Variants in MED13 observed in about 807,000 individuals in gnomAD.
MED13 encodes the protein mediator complex subunit 13.
MED13 carries 23 observed loss-of-function variants against 225.2 expected under a neutral mutation model. The observed-to-expected ratio is 0.10, with a 90% CI of 0.07 to 0.14. The LOEUF is 0.14. MED13 is among the 10% of genes least tolerant of loss of function. The pLI, the probability that MED13 is intolerant of heterozygous loss-of-function variation, is 1.00. For missense variants in MED13, 2,197 were observed against 2,594.5 expected (o/e 0.85, Z 3.33); for synonymous variants, 942 against 889.2 (o/e 1.06, Z -1.06).
chr17:62,017,036 A>G (rs2080589115), intron 8 of MED13, among the ~76,000 whole-genome samples: 1 of 150,484 alleles, frequency 6.6e-6, no homozygotes, highest in Non-Finnish European at 1.5e-5. Flanking sequence ...ATAATAATAA[A>G]TAAATAAATA....
At chr17:62,008,295 G>T in intron 9 of MED13, among the ~76,000 whole-genome samples, 1 of 129,692 alleles carries the variant, frequency 7.7e-6, no homozygotes, top group East Asian at 2.5e-4. Flanking sequence ...TCCAGCCTGG[G>T]CCACAGAGCG....
intron 8 of MED13, 61 bp from the exon 9 acceptor site, chr17:62,011,294 C>T: frequency 2.1e-6 from 3 of 1,405,306 alleles, no homozygotes; most frequent in African/African-American, 1.4e-5. Flanking sequence ...AAGTATAATA[C>T]CAGTTAATAG....
rs1400703077 is a variant in MED13, at chr17:62,057,579, C to G, written c.302-4874G>C. On this transcript the variant is annotated intron_variant, in intron 2 of 29. Transcript: ENST00000397786. ...GTTTTAGTTTGGCTGGGACTAGATT[C>G]CTATGCCTGGCTGTTTATCTATCTG... Among the ~76,000 whole-genome samples, 4 of 152,226 alleles carry G rather than the reference C, an allele frequency of 2.6e-5. No homozygotes were observed. The East Asian group carries it at 5.8e-4, about 22-fold the overall frequency.
intron 27 of MED13, 140 bp from the exon 28 acceptor site, chr17:61,951,138 A>C (rs921201633): frequency 1.7e-6 from 1 of 603,446 alleles, no homozygotes; most frequent in Non-Finnish European, 2.6e-6. Flanking sequence ...ATTGAAAAAA[A>C]ACCAGTTTCT....
intron 9 of MED13, chr17:62,005,153 C>T (rs1294766125): frequency 2.0e-5 from 3 of 152,276 alleles, no homozygotes; most frequent in Non-Finnish European, 4.4e-5. Flanking sequence ...CGTGGCCTCC[C>T]AAAGTGCTGG....
At chr17:61,984,565 A>G (rs1328361844) in intron 14 of MED13, 86 bp downstream of exon 14, 19 of 1,248,608 alleles carry the variant, frequency 1.5e-5, no homozygotes, top group Non-Finnish European at 2.0e-5. Flanking sequence ...CGCAACCACT[A>G]TAAAATAATT....
Position 62,011,197 on chromosome 17 carries a change from T to C in MED13, c.1320A>G (p.Gln440=), listed in dbSNP as rs1273450961. 1.2e-6 allele frequency: 2 copies of C among 1,611,632 alleles called. No homozygotes were observed. The highest frequency in any genetic ancestry group is 1.1e-5 in the South Asian group (1 of 90,386). Residue 440 remains glutamine, a synonymous_variant, in exon 9 of 30, where the codon CAA becomes CAG. Coordinates refer to ENST00000397786, the MANE Select transcript of MED13 (RefSeq NM_005121.3). The part of the protein sequence containing the change: ...KNLKSRNAGQ[Q]GQAPSLGQQQ... ...GCTGACCTAAAGATGGTGCCTGTCC[T>C]TGTTGTCCAGCATTTCTTGACTTGA...
intron 18 of MED13, among the ~76,000 whole-genome samples, chr17:61,967,484 C>T (rs2080069102): frequency 6.6e-6 from 1 of 152,068 alleles, no homozygotes; most frequent in Admixed American, 6.6e-5. Flanking sequence ...ATTTCGAAGC[C>T]TTTGTGGAAA....
intron 8 of MED13, among the ~76,000 whole-genome samples, chr17:62,015,332 A>T (rs2080552845): frequency 6.6e-6 from 1 of 152,188 alleles, no homozygotes; most frequent in South Asian, 2.1e-4. Flanking sequence ...GCATAGCATA[A>T]GGATTTGCCA....
At position 61,952,242 on chromosome 17, in the gene MED13, C is replaced by T. The variant is rs187403456; in HGVS notation, c.6117+723G>A. Among the ~76,000 whole-genome samples, 549 of 152,204 alleles carry T rather than the reference C, an allele frequency of 3.6e-3. 1 individual carries two copies. Among genetic ancestry groups the T allele is most frequent in the Non-Finnish European group, 4.9e-3 (335 of 68,010 alleles). On this transcript the variant is annotated intron_variant, in intron 27 of 29. Transcript: ENST00000397786. ...AGGTGTTATTAACTGAAGCCCAGTT[C>T]GTTTTTACTTCAAATATAAGGACAA...
At chr17:61,992,720 G>A (rs2080310289) in intron 10 of MED13, 99 bp from the exon 11 acceptor site, 3 of 765,314 alleles carry the variant, frequency 3.9e-6, no homozygotes, top group Non-Finnish European at 2.3e-6. Context: ...CCAGCTAAGT[G>A]TTTAACATAC....
chr17:62,011,557 T>C (rs2080509569), intron 8 of MED13, among the ~76,000 whole-genome samples: 1 of 152,188 alleles, frequency 6.6e-6, no homozygotes, highest in Non-Finnish European at 1.5e-5. Flanking sequence ...TAGTTAAGGT[T>C]AAAAGGTATA....
rs1397854828 is a variant in MED13, at chr17:62,061,091, T to C, written c.301+1976A>G. ...GAGAAAAATGTTTAAGACTGTAACC[T>C]AGTTTCAGTGGAGAAAACATATCTG... On this transcript the variant is annotated intron_variant, in intron 2 of 29. Coordinates refer to ENST00000397786, the MANE Select transcript of MED13 (RefSeq NM_005121.3). Among the ~76,000 whole-genome samples, 3 of 152,222 alleles carry C rather than the reference T, an allele frequency of 2.0e-5. No homozygotes were observed. The South Asian group carries it at 6.2e-4, about 32-fold the overall frequency.
chr17:62,011,304 G>C, intron 8 of MED13, 71 bp from the exon 9 acceptor site: 1 of 1,267,920 alleles, frequency 7.9e-7, no homozygotes, highest in African/African-American at 1.5e-5. Context: ...CCAGTTAATA[G>C]TATTAGACAC....
chr17:61,985,389 A>G (rs571924736), intron 12 of MED13, among the ~76,000 whole-genome samples: 64 of 152,286 alleles, frequency 4.2e-4, no homozygotes, highest in Non-Finnish European at 6.6e-4. Flanking sequence ...CCCAGTAATA[A>G]GAGGCCGGAC....
At chr17:62,049,885 G>A (rs556254851) in intron 3 of MED13, among the ~76,000 whole-genome samples, 20 of 135,920 alleles carry the variant, frequency 1.5e-4, no homozygotes, top group East Asian at 2.3e-4. Flanking sequence ...AGCTGAGATC[G>A]CGCCACTGCA....
intron 5 of MED13, among the ~76,000 whole-genome samples, chr17:62,033,001 T>A (rs970786017): frequency 6.6e-5 from 10 of 151,926 alleles, no homozygotes; most frequent in Non-Finnish European, 1.5e-4. Flanking sequence ...ATTACAAAAA[T>A]TAGGTGGGCA....
chr17:61,996,757 TTA>T (rs1342951204), intron 9 of MED13, among the ~76,000 whole-genome samples: 1 of 152,212 alleles, frequency 6.6e-6, no homozygotes, highest in Non-Finnish European at 1.5e-5. Flanking sequence ...TGCATAGCAT[TTA>T]TCTTTTAACA....
At chr17:62,055,619 T>A (rs2080990956) in intron 2 of MED13, among the ~76,000 whole-genome samples, 1 of 151,818 alleles carries the variant, frequency 6.6e-6, no homozygotes, top group African/African-American at 2.4e-5. Flanking sequence ...GGTCAGGAGT[T>A]CAAGACCAGC....
Sources: allele counts gnomAD v4.1 joint callset (sites outside exome capture counted in the v4.1 genomes callset), GRCh38; gene constraint gnomAD v4.1.1; transcripts MANE v1.5; gene names NCBI Gene and HGNC (gene_info 2026-07-23, HGNC 2026-07-21).